Variants in NISCH observed in about 807,000 individuals in gnomAD.
NISCH encodes I-1 receptor candidate protein.
In NISCH, 55 loss-of-function variants were observed where a neutral mutation model predicts 138.4. The ratio of observed to expected loss-of-function variants is 0.40; its 90% CI spans 0.32 to 0.50. NISCH has a LOEUF of 0.50. NISCH is among the 20% of genes least tolerant of loss of function. The probability of loss-of-function intolerance (pLI) is 0.71; values close to 1 mark genes in which losing one functional copy is unlikely to be tolerated. For synonymous variants in NISCH, 860 were observed against 861.5 expected (o/e 1.00, Z 0.03); for missense variants, 1,643 against 2,005.5 (o/e 0.82, Z 3.45).
chr3:52,484,462 T>TTGGGCGCC, intron 13 of NISCH, 51 bp from the exon 14 acceptor site: 20 of 788,668 alleles, frequency 2.5e-5, no homozygotes, highest in South Asian at 4.2e-5. Flanking sequence ...ACAGCCGCTC[T>TTGGGCGCC]CCCCGCCCCA....
Position 52,478,505 on chromosome 3 carries a change from G to A in NISCH, c.1230G>A (p.Leu410=), listed in dbSNP as rs372950011. The A allele has an allele frequency of 3.1e-6, 5 of 1,614,094 alleles. No individual in the cohort carries two copies. Among genetic ancestry groups the A allele is most frequent in the Non-Finnish European group, 4.2e-6 (5 of 1,180,046 alleles). The change falls in exon 11 of 21, where the codon CTG becomes CTA. Residue 410 remains leucine, a synonymous_variant. Transcript: ENST00000345716. ...SLPCLEHVSL[L]NNPLSIIPDY... ...CGTGTCTGGAGCACGTGTCTCTGCT[G>A]AACAACCCTCTGAGCATCATCCCCG...
intron 3 of NISCH, chr3:52,470,638 C>G: frequency 1.7e-6 from 1 of 593,720 alleles, no homozygotes; most frequent in Non-Finnish European, 3.0e-6. Context: ...GCTGATTTCC[C>G]TTCTGCTTTG....
chr3:52,489,793 C>T, intron 17 of NISCH, 115 bp downstream of exon 17: 2 of 1,473,822 alleles, frequency 1.4e-6, no homozygotes, highest in Non-Finnish European at 1.8e-6. Flanking sequence ...GAGTCCTCAG[C>T]TGAGCTGCTC....
At chr3:52,481,748 C>T in intron 13 of NISCH, 3 of 985,606 alleles carry the variant, frequency 3.0e-6, no homozygotes, top group Non-Finnish European at 3.6e-6. Flanking sequence ...CAGCCCCCCA[C>T]ATTGTCGGAG....
intron 15 of NISCH, 100 bp downstream of exon 15, chr3:52,485,927 C>G: frequency 1.8e-6 from 2 of 1,127,578 alleles, no homozygotes; most frequent in South Asian, 2.7e-5. Flanking sequence ...TTTTAAAAAT[C>G]CGTTCACAGA....
At position 52,471,839 on chromosome 3, in the gene NISCH, G is replaced by C; in HGVS notation, c.435G>C (p.Glu145Asp). 1.2e-6 allele frequency: 2 copies of C among 1,613,988 alleles called. No individual in the cohort carries two copies. Among genetic ancestry groups the C allele is most frequent in the Non-Finnish European group, 1.7e-6 (2 of 1,179,984 alleles). The change falls in exon 5 of 21, where the codon GAG becomes GAC. Residue 145 changes from glutamate (E) to aspartate (D), a missense_variant. Transcript: ENST00000345716. ...EKGEQLLGAGEVFAIGPLQLY... is the reference protein window; with the variant it reads ...EKGEQLLGAGDVFAIGPLQLY... ...GAGAACAGCTCCTGGGGGCCGGCGA[G>C]GTCTTTGCCATTGGACCCCTGCAGC...
Position 52,489,492 on chromosome 3 carries a change from G to T in NISCH, c.3270G>T (p.Thr1090=). ...CTTCAGCTTTGGTCCCAGAGGAGAC[G>T]CCAGTGGAAGCTCCAGCCCCACCCC... The part of the protein sequence containing the change: ...ASTSALVPEE[T]PVEAPAPPPA... Residue 1090 remains threonine (T), a synonymous_variant, in exon 17 of 21, where the codon ACG becomes ACT. Coordinates refer to ENST00000345716, the MANE Select transcript of NISCH (RefSeq NM_007184.4). The T allele has an allele frequency of 1.2e-6, 2 of 1,608,752 alleles. No homozygotes were observed. Among genetic ancestry groups the T allele is most frequent in the Non-Finnish European group, 1.7e-6 (2 of 1,176,008 alleles).
At position 52,477,613 on chromosome 3, in the gene NISCH, A is replaced by G. The variant is rs1283220498; in HGVS notation, c.958A>G (p.Asn320Asp). The G allele has an allele frequency of 1.2e-6, 2 of 1,614,122 alleles. No homozygotes were observed. The highest frequency in any genetic ancestry group is 2.2e-5 in the East Asian group (1 of 44,892). ...PKIEFLDLSH[N>D]GLLVVDNLQH... ...GATTGAGTTCCTGGACCTGAGTCAC[A>G]ATGGATTGCTGGTTGTGGACAATCT... Residue 320 changes from asparagine to aspartate, a missense_variant, in exon 9 of 21, where the codon AAT (asparagine) becomes GAT (aspartate). Coordinates refer to ENST00000345716, the MANE Select transcript of NISCH (RefSeq NM_007184.4).
chr3:52,480,362 G>T, intron 13 of NISCH, 67 bp downstream of exon 13: 1 of 1,594,528 alleles, frequency 6.3e-7, no homozygotes, highest in South Asian at 1.1e-5. Context: ...TGGCTGGGCT[G>T]GGGTTGGGGG....
At position 52,491,864 on chromosome 3, in the gene NISCH, C is replaced by T. The variant is rs367796343; in HGVS notation, c.3905-8C>T. Reference sequence around the variant, plus strand: ...CCAGGCTATAGCCCAGGTGGCATCTCTCTGCAGGGAAGATGGAGAACTACG... The same window carrying T: ...CCAGGCTATAGCCCAGGTGGCATCTTTCTGCAGGGAAGATGGAGAACTACG... On this transcript the variant is annotated splice_region_variant and splice_polypyrimidine_tract_variant and intron_variant, in intron 20 of 20. Coordinates refer to ENST00000345716, the MANE Select transcript of NISCH (RefSeq NM_007184.4). 66 of 1,575,414 alleles carry T rather than the reference C, an allele frequency of 4.2e-5. No homozygotes were observed. The highest frequency in any genetic ancestry group is 7.8e-6 in the Non-Finnish European group (9 of 1,157,034).
Position 52,480,293 on chromosome 3 carries a change from A to C in NISCH, c.1526A>C (p.Gln509Pro), listed in dbSNP as rs774340207. Reference protein sequence around the residue: ...ASLPQPILSNQGIMFVQEEAL... With the variant: ...ASLPQPILSNPGIMFVQEEAL... Reference sequence around the variant, plus strand: ...CTGCCCCAGCCCATCCTCTCTAACCAAGGTAATCGTGTATGTATCTTGCTT... The same window carrying C: ...CTGCCCCAGCCCATCCTCTCTAACCCAGGTAATCGTGTATGTATCTTGCTT... The change falls in exon 13 of 21, where the codon CAA (glutamine) becomes CCA (proline). Residue 509 changes from glutamine (Q) to proline (P), a missense_variant and splice_region_variant. Coordinates refer to ENST00000345716, the MANE Select transcript of NISCH (RefSeq NM_007184.4). 1.2e-5 allele frequency: 19 copies of C among 1,613,352 alleles called. No homozygotes were observed. Among genetic ancestry groups the C allele is most frequent in the Non-Finnish European group, 1.5e-5 (18 of 1,179,942 alleles).
chr3:52,473,816 C>T lies in NISCH; in HGVS notation c.752C>T (p.Ala251Val). The change falls in exon 7 of 21, where the codon GCA (alanine) becomes GTA (valine). Residue 251 changes from alanine to valine, a missense_variant. Transcript: ENST00000345716. ...TLATLSVRFS[A>V]TSMKEVLVPE... ...GCCACGCTGAGTGTCCGCTTCTCAG[C>T]AACCTCGATGAAGGTAAGCTTCACC... The T allele has an allele frequency of 6.2e-7, 1 of 1,607,570 alleles. No individual in the cohort carries two copies. The highest frequency in any genetic ancestry group is 8.5e-7 in the Non-Finnish European group (1 of 1,175,094).
chr3:52,474,276 G>T (rs537042066), intron 7 of NISCH, among the ~76,000 whole-genome samples: 5 of 152,034 alleles, frequency 3.3e-5, no homozygotes, highest in Admixed American at 6.5e-5. Context: ...ACCATGCCCC[G>T]CTAAGTTTTG....
chr3:52,481,438 TTGAC>T, intron 13 of NISCH: 2 of 985,810 alleles, frequency 2.0e-6, no homozygotes, highest in Non-Finnish European at 2.4e-6. Flanking sequence ...TGTCAGACTC[TTGAC>T]TAAGGATTTC....
chr3:52,459,291 G>A (rs1706563580), intron 3 of NISCH, among the ~76,000 whole-genome samples: 1 of 152,230 alleles, frequency 6.6e-6, no homozygotes, highest in African/African-American at 2.4e-5. Flanking sequence ...TGCTAAGGTT[G>A]AGGGTGGACA....
intron 8 of NISCH, among the ~76,000 whole-genome samples, chr3:52,477,289 GA>G (rs1359115469): frequency 6.6e-5 from 10 of 152,308 alleles, no homozygotes; most frequent in African/African-American, 2.2e-4. Context: ...CAGGGTTGAA[GA>G]AGAACAGACT....
intron 3 of NISCH, among the ~76,000 whole-genome samples, chr3:52,465,699 A>C (rs1706762714): frequency 6.6e-6 from 1 of 152,198 alleles, no homozygotes; most frequent in African/African-American, 2.4e-5. Context: ...CGGGACCTCC[A>C]ACTGTGGTGG....
intron 3 of NISCH, among the ~76,000 whole-genome samples, chr3:52,464,752 T>C (rs1379976925): frequency 6.6e-6 from 1 of 152,166 alleles, no homozygotes; most frequent in African/African-American, 2.4e-5. Context: ...CTTGAACTCC[T>C]GACCTTAGGT....
In NISCH at chr3:52,489,346, C is replaced by T. The variant is rs370743908; in HGVS notation, c.3124C>T (p.Arg1042Cys). 8 of 1,611,694 alleles carry T rather than the reference C, an allele frequency of 5.0e-6. No homozygotes were observed. The highest frequency in any genetic ancestry group is 4.5e-5 in the East Asian group (2 of 44,854). Reference protein sequence around the residue: ...PAERRASNDQRPQEVPAEALA... With the variant: ...PAERRASNDQCPQEVPAEALA... The stretch of plus-strand genomic sequence containing the variant: ...TTTCGGGGGATACAGCAATGACCAG[C>T]GTCCCCAGGAGGTCCCAGCAGAGGC... The change falls in exon 17 of 21, where the codon CGT becomes TGT. Residue 1042 changes from arginine to cysteine, a missense_variant. Coordinates refer to ENST00000345716, the MANE Select transcript of NISCH (RefSeq NM_007184.4).
Sources: gnomAD v4.1 joint callset for allele counts (sites outside exome capture counted in the v4.1 genomes callset) on GRCh38, gnomAD v4.1.1 for gene constraint, MANE v1.5 for transcripts, NCBI Gene and HGNC (gene_info 2026-07-23, HGNC 2026-07-21) for gene names.